The following GNAT3 variants were observed in gnomAD, a reference collection of about 807,000 sequenced individuals.
GNAT3 encodes the protein G protein subunit alpha transducin 3.
GNAT3 carries 31 observed loss-of-function variants against 37.7 expected under a neutral mutation model. The observed-to-expected ratio is 0.82, with a 90% confidence interval of 0.62 to 1.11. The LOEUF is 1.11. GNAT3 is among the 50% of genes most tolerant of loss of function. The probability of loss-of-function intolerance (pLI) is 0.00; values close to 1 mark genes in which losing one functional copy is unlikely to be tolerated. For synonymous variants in GNAT3, 138 were observed against 139.8 expected (o/e 0.99, Z 0.09); for missense variants, 437 against 412.5 (o/e 1.06, Z -0.51).
intron 5 of GNAT3, 45 bp from the exon 6 acceptor site, chr7:80,462,676 C>T: frequency 6.6e-7 from 1 of 1,523,556 alleles, no homozygotes; most frequent in Non-Finnish European, 9.0e-7. Flanking sequence ...CAAATATCCT[C>T]CAAAATGTGC....
intron 5 of GNAT3, among the ~76,000 whole-genome samples, chr7:80,465,414 C>T (rs564996216): frequency 2.0e-5 from 3 of 152,220 alleles, no homozygotes; most frequent in East Asian, 1.9e-4. Context: ...TAAACCTCTT[C>T]AGGAACTTGC....
chr7:80,497,594 G>GTA (rs1414326280), intron 1 of GNAT3, among the ~76,000 whole-genome samples: 17 of 130,936 alleles, frequency 1.3e-4, no homozygotes, highest in African/African-American at 2.6e-4. Context: ...ATACATATAC[G>GTA]TATATACATA....
chr7:80,475,955 C>T (rs1790295239), intron 4 of GNAT3, among the ~76,000 whole-genome samples: 1 of 151,958 alleles, frequency 6.6e-6, no homozygotes, highest in Non-Finnish European at 1.5e-5. Context: ...GGAAAAAGTA[C>T]TGGCAGGATT....
chr7:80,507,690 A>G (rs1200798900), intron 1 of GNAT3, among the ~76,000 whole-genome samples: 1 of 151,960 alleles, frequency 6.6e-6, no homozygotes, highest in Non-Finnish European at 1.5e-5. Context: ...CTAGTATTAA[A>G]TTGTATTCTC....
intron 1 of GNAT3, among the ~76,000 whole-genome samples, chr7:80,503,864 C>T (rs912085490): frequency 6.6e-6 from 1 of 151,964 alleles, no homozygotes; most frequent in Admixed American, 6.6e-5. Flanking sequence ...TTATGAGGTC[C>T]TCAAAAGAGA....
rs1053313322 is a variant in GNAT3, at chr7:80,478,769, A to T, written c.461+72T>A. 21 of 1,428,544 alleles carry T rather than the reference A, an allele frequency of 1.5e-5. No homozygotes were observed. The South Asian group carries it at 2.6e-4, about 18-fold the overall frequency. The allele number at this position is 1,428,544 out of a possible 1,614,324, so 88.5% of individuals were successfully genotyped here. ...TTTCCTCATTTGAATTTACAAATGCAAAGTATGCAGAATTATAATTCTTAA... is the reference window on the plus strand; with the variant it reads ...TTTCCTCATTTGAATTTACAAATGCTAAGTATGCAGAATTATAATTCTTAA... On this transcript the variant is annotated intron_variant, in intron 4 of 7. Transcript: ENST00000398291.
chr7:80,497,714 G>C (rs1337235711), intron 1 of GNAT3, among the ~76,000 whole-genome samples: 2 of 150,786 alleles, frequency 1.3e-5, no homozygotes, highest in Non-Finnish European at 3.0e-5. Context: ...CAGAGCAGTG[G>C]GGATGTGGAA....
chr7:80,477,362 G>A (rs1044133504), intron 4 of GNAT3, among the ~76,000 whole-genome samples: 1 of 152,140 alleles, frequency 6.6e-6, no homozygotes, highest in African/African-American at 2.4e-5. Flanking sequence ...GTTTAGAAAA[G>A]CAATGTTTTA....
intron 1 of GNAT3, 109 bp from the exon 2 acceptor site, chr7:80,494,756 G>T: frequency 1.5e-6 from 1 of 658,786 alleles, no homozygotes; most frequent in Non-Finnish European, 2.7e-6. Context: ...TAGGTTTAGG[G>T]GGTACAAGTG....
At position 80,463,915 on chromosome 7, in the gene GNAT3, G is replaced by A. The variant is rs1177104895; in HGVS notation, c.591-1284C>T. 3.3e-5 allele frequency among the ~76,000 whole-genome samples: 5 copies of A among 150,964 alleles called. No individual in the cohort carries two copies. In the South Asian group the frequency reaches 1.0e-3, roughly 32 times the overall value. ...AACATAGCATGTTTGGGGTAAGCAA[G>A]CAATTTATAGTTTTGGGAACATAAA... On this transcript the variant is annotated intron_variant, in intron 5 of 7. Coordinates refer to ENST00000398291, the MANE Select transcript of GNAT3 (RefSeq NM_001102386.3).
intron 2 of GNAT3, among the ~76,000 whole-genome samples, 154 bp downstream of exon 2, chr7:80,494,451 T>C (rs1457732405): frequency 1.3e-5 from 2 of 152,188 alleles, no homozygotes; most frequent in Non-Finnish European, 2.9e-5. Context: ...TGCTAAAGGA[T>C]ACAAGGTATA....
chr7:80,482,960 C>T (rs73369030), intron 3 of GNAT3, among the ~76,000 whole-genome samples: 12,349 of 152,074 alleles, frequency 0.081, 1,233 homozygotes, highest in African/African-American at 0.24. Context: ...CCTACTACCT[C>T]CTACAAAGGC....
At chr7:80,510,753 T>C (rs1791050449) in intron 1 of GNAT3, among the ~76,000 whole-genome samples, 1 of 152,180 alleles carries the variant, frequency 6.6e-6, no homozygotes, top group African/African-American at 2.4e-5. Context: ...AATCCCACAG[T>C]TGGCTTCTGA....
intron 1 of GNAT3, among the ~76,000 whole-genome samples, chr7:80,498,290 T>C (rs755650778): frequency 4.6e-5 from 7 of 152,112 alleles, no homozygotes; most frequent in Non-Finnish European, 1.0e-4. Context: ...TAGCTGGTAA[T>C]TCATGCTGTG....
chr7:80,500,608 T>A (rs904905183), intron 1 of GNAT3, among the ~76,000 whole-genome samples: 5 of 152,096 alleles, frequency 3.3e-5, no homozygotes, highest in Non-Finnish European at 7.4e-5. Flanking sequence ...TTGTTCACTA[T>A]CTCTAGTGAA....
intron 1 of GNAT3, among the ~76,000 whole-genome samples, chr7:80,505,239 AAC>A (rs1429711709): frequency 6.6e-6 from 1 of 152,230 alleles, no homozygotes; most frequent in Non-Finnish European, 1.5e-5. Flanking sequence ...TTTTAGGAGG[AAC>A]ACAGCTGAAA....
intron 5 of GNAT3, among the ~76,000 whole-genome samples, chr7:80,473,275 GT>G (rs1790249476): frequency 6.6e-6 from 1 of 152,006 alleles, no homozygotes. Context: ...ATTTTGAAGA[GT>G]TTTTCCGTAT....
chr7:80,491,778 G>A (rs1790597162), intron 2 of GNAT3, among the ~76,000 whole-genome samples: 1 of 152,152 alleles, frequency 6.6e-6, no homozygotes, highest in South Asian at 2.1e-4. Flanking sequence ...ATGGCTGAAA[G>A]TGGAAAGTAA....
Position 80,488,516 on chromosome 7 carries a change from T to C in GNAT3, c.303+19A>G. The C allele has an allele frequency of 6.3e-7, 1 of 1,591,998 alleles. No individual in the cohort carries two copies. Among genetic ancestry groups the C allele is most frequent in the Non-Finnish European group, 8.6e-7 (1 of 1,166,454 alleles). The stretch of plus-strand genomic sequence containing the variant: ...AACTCTATTGCAGGACATACAGCTG[T>C]CATTATTTGCATACTTACTGCACTT... On this transcript the variant is annotated intron_variant, in intron 3 of 7. Coordinates refer to ENST00000398291, the MANE Select transcript of GNAT3 (RefSeq NM_001102386.3).
Sources: gnomAD v4.1 joint callset for allele counts (sites outside exome capture counted in the v4.1 genomes callset) on GRCh38, gnomAD v4.1.1 for gene constraint, MANE v1.5 for transcripts, NCBI Gene and HGNC (gene_info 2026-07-23, HGNC 2026-07-21) for gene names.